The following PCSK5 variants were observed in gnomAD, a reference collection of about 807,000 sequenced individuals.
PCSK5 encodes prohormone convertase 5.
Under a neutral mutation model 233.2 loss-of-function variants are expected in PCSK5, and 129 were observed. The ratio of observed to expected loss-of-function variants is 0.55; its 90% CI spans 0.48 to 0.64. PCSK5 has a LOEUF of 0.64. Among genes scored for constraint, PCSK5 ranks in the 30% least tolerant of loss-of-function variants. The probability of loss-of-function intolerance (pLI) is 0.00; values close to 1 mark genes in which losing one functional copy is unlikely to be tolerated. For synonymous variants in PCSK5, 825 were observed against 879.2 expected, an observed-to-expected ratio of 0.94 and a Z score of 1.09; for missense variants, 2,076 against 2,430.1, an observed-to-expected ratio of 0.85 and a Z score of 3.06.
At chr9:76,234,742 T>C (rs1251560897) in intron 22 of PCSK5, among the ~76,000 whole-genome samples, 1 of 152,210 alleles carries the variant, frequency 6.6e-6, no homozygotes, top group African/African-American at 2.4e-5. Flanking sequence ...CAATAAAGCA[T>C]TTAGAACAGG....
chr9:76,340,549 G>A (rs966288550), intron 35 of PCSK5, among the ~76,000 whole-genome samples: 2 of 151,196 alleles, frequency 1.3e-5, no homozygotes, highest in East Asian at 3.9e-4. Flanking sequence ...GGAGGTTGAG[G>A]TGGGAGAATC....
chr9:76,099,282 A>G (rs1482616125), intron 8 of PCSK5, among the ~76,000 whole-genome samples: 2 of 152,158 alleles, frequency 1.3e-5, no homozygotes, highest in Non-Finnish European at 2.9e-5. Context: ...TGGATAAGCA[A>G]CCCTCATGGA....
At chr9:76,358,172 G>A (rs1359192356) in intron 37 of PCSK5, among the ~76,000 whole-genome samples, 1 of 152,028 alleles carries the variant, frequency 6.6e-6, no homozygotes, top group African/African-American at 2.4e-5. Flanking sequence ...TTCTCACGGG[G>A]TACATACTCC....
chr9:76,361,970 A>T lies in PCSK5; in HGVS notation c.*3048A>T, dbSNP rs538038575. 2 of 152,258 alleles carry T rather than the reference A, an allele frequency of 1.3e-5. No homozygotes were observed. The highest frequency in any genetic ancestry group is 1.3e-4 in the Admixed American group (2 of 15,290). The allele number at this position is 152,258 out of a possible 1,614,324, so 9.4% of individuals were successfully genotyped here. On this transcript the variant is annotated 3_prime_UTR_variant, in exon 38 of 38. Coordinates refer to ENST00000674117, the MANE Select transcript of PCSK5 (RefSeq NM_001372043.1). ...GGAAATTGTTTTCTATGAAAAAAAA[A>T]CTCTATGATACACAGTTAAAGATTG...
intron 15 of PCSK5, 105 bp downstream of exon 15, chr9:76,179,803 C>A: frequency 1.3e-6 from 1 of 754,100 alleles, no homozygotes; most frequent in South Asian, 1.6e-5. Flanking sequence ...GCATCTTCCA[C>A]TATTCTCCCA....
chr9:76,193,141 T>C (rs1422933696), intron 20 of PCSK5: 1 of 1,062,800 alleles, frequency 9.4e-7, no homozygotes, highest in African/African-American at 1.6e-5. Flanking sequence ...ATTCCCCAAA[T>C]CTGCCTCTCT....
At chr9:76,356,285 A>G (rs1050086181) in intron 37 of PCSK5, among the ~76,000 whole-genome samples, 3 of 152,362 alleles carry the variant, frequency 2.0e-5, no homozygotes, top group African/African-American at 7.2e-5. Context: ...GTCCCCCTGC[A>G]GCTCTTGAAG....
At chr9:76,350,627 C>T (rs767519863) in intron 35 of PCSK5, among the ~76,000 whole-genome samples, 16 of 152,230 alleles carry the variant, frequency 1.1e-4, no homozygotes, top group Non-Finnish European at 2.1e-4. Context: ...CCTCAATTTT[C>T]AGACTGAGAG....
chr9:76,108,841 T>G (rs567021344), intron 9 of PCSK5, among the ~76,000 whole-genome samples: 5 of 152,172 alleles, frequency 3.3e-5, no homozygotes, highest in Non-Finnish European at 7.3e-5. Context: ...ACGGAGAGCC[T>G]ATGTTAAGGC....
In PCSK5 at chr9:76,094,764, C is replaced by G. The variant is rs562301152; in HGVS notation, c.895-1126C>G. ...AGCTGGGATTACAGGTGTGCACCAC[C>G]ACGCCTCGCTAATTTTTGTATTTTC... On this transcript the variant is annotated intron_variant, in intron 7 of 37. Transcript: ENST00000674117. Among the ~76,000 whole-genome samples, 221 of 152,224 alleles carry G rather than the reference C, an allele frequency of 1.5e-3. 1 individual carries two copies. Among genetic ancestry groups the G allele is most frequent in the African/African-American group, 5.0e-3 (209 of 41,528 alleles).
At chr9:76,028,405 CAG>C (rs765082497) in intron 5 of PCSK5, among the ~76,000 whole-genome samples, 3 of 152,108 alleles carry the variant, frequency 2.0e-5, no homozygotes, top group Non-Finnish European at 2.9e-5. Flanking sequence ...ATATGGAGAT[CAG>C]AGTTTTTAAA....
chr9:76,202,768 C>G (rs1305404490), intron 20 of PCSK5, among the ~76,000 whole-genome samples: 1 of 152,098 alleles, frequency 6.6e-6, no homozygotes, highest in Non-Finnish European at 1.5e-5. Flanking sequence ...TTCTAGGAAG[C>G]CTCTACATTT....
chr9:76,283,345 C>A (rs1827940893), intron 24 of PCSK5, among the ~76,000 whole-genome samples: 2 of 152,150 alleles, frequency 1.3e-5, no homozygotes, highest in African/African-American at 2.4e-5. Flanking sequence ...GCCACAGCCA[C>A]CCCAACCTTC....
At chr9:75,993,854 G>A (rs569974458) in intron 3 of PCSK5, among the ~76,000 whole-genome samples, 42 of 152,306 alleles carry the variant, frequency 2.8e-4, no homozygotes, top group African/African-American at 9.9e-4. Context: ...TACCAGGGAA[G>A]CTCATTAGAG....
At chr9:76,069,849 G>A (rs962097772) in intron 6 of PCSK5, among the ~76,000 whole-genome samples, 12 of 151,956 alleles carry the variant, frequency 7.9e-5, no homozygotes, top group African/African-American at 2.4e-4. Context: ...GGATGGAGTC[G>A]TTCATCTTTC....
chr9:76,212,038 A>G (rs1825347772), intron 20 of PCSK5, among the ~76,000 whole-genome samples: 1 of 152,146 alleles, frequency 6.6e-6, no homozygotes, highest in African/African-American at 2.4e-5. Flanking sequence ...GGACCATTCT[A>G]AATGGTCCCA....
At chr9:76,085,697 G>A (rs1217294545) in intron 7 of PCSK5, among the ~76,000 whole-genome samples, 2 of 152,192 alleles carry the variant, frequency 1.3e-5, no homozygotes, top group Non-Finnish European at 1.5e-5. Flanking sequence ...GAAATGTTAG[G>A]AGTTACTCCG....
intron 8 of PCSK5, among the ~76,000 whole-genome samples, chr9:76,105,705 C>T (rs77771994): frequency 3.8e-4 from 58 of 152,246 alleles, no homozygotes; most frequent in African/African-American, 1.4e-3. Context: ...TTCAGGAAAA[C>T]GTAGTGAAAG....
intron 9 of PCSK5, among the ~76,000 whole-genome samples, chr9:76,107,708 T>G (rs1457858967): frequency 1.3e-5 from 2 of 152,166 alleles, no homozygotes; most frequent in African/African-American, 4.8e-5. Flanking sequence ...TCTGGTCTGT[T>G]TCTCTGAAGC....
Sources: allele counts gnomAD v4.1 joint callset (sites outside exome capture counted in the v4.1 genomes callset), GRCh38; gene constraint gnomAD v4.1.1; transcripts MANE v1.5; gene names NCBI Gene and HGNC (gene_info 2026-07-23, HGNC 2026-07-21).